The following SPANXN3 variants were observed in gnomAD, a reference collection of about 807,000 sequenced individuals.
SPANXN3 encodes the protein sperm protein associated with the nucleus on the X chromosome N3.
Under a neutral mutation model 1.9 loss-of-function variants are expected in SPANXN3, and 1 was observed. That is an observed-to-expected ratio of 0.54 (90% confidence interval 0.19 to 2.54). The LOEUF (loss-of-function observed/expected upper bound fraction) is 2.54, where lower values mean the gene tolerates loss of function less well. Ranked by LOEUF, SPANXN3 falls within the 30% of genes most tolerant of loss-of-function variation. The pLI, the probability that SPANXN3 is intolerant of heterozygous loss-of-function variation, is 0.24. For synonymous variants in SPANXN3, 47 were observed against 40.0 expected, an observed-to-expected ratio of 1.17 and a Z score of -0.66; for missense variants, 113 against 96.2, an observed-to-expected ratio of 1.17 and a Z score of -0.73.
Position 143,517,306 on chromosome X carries a change from A to G in SPANXN3, c.78+8T>C, listed in dbSNP as rs782449645. On this transcript the variant is annotated splice_region_variant and intron_variant, in intron 1 of 1. Transcript: ENST00000370503. Reference sequence around the variant, plus strand: ...CCTCACCTTCCCTTCAAAACCTGACAATCTTACCTCATCATTTTTTTTGTT... The same window carrying G: ...CCTCACCTTCCCTTCAAAACCTGACGATCTTACCTCATCATTTTTTTTGTT... 3.2e-5 allele frequency: 39 copies of G among 1,208,394 alleles called. No homozygotes were observed. The East Asian group carries it at 1.2e-3, about 36-fold the overall frequency.
chrX:143,510,795 C>T (rs1449796114), intron 1 of SPANXN3, among the ~76,000 whole-genome samples: 18 of 109,794 alleles, frequency 1.6e-4, no homozygotes, highest in African/African-American at 5.7e-4. Flanking sequence ...CTGGCTCCTG[C>T]CCTCTCCCAT....
chrX:143,511,868 C>A (rs2124256055), intron 1 of SPANXN3, among the ~76,000 whole-genome samples: 1 of 111,533 alleles, frequency 9.0e-6, no homozygotes, highest in South Asian at 3.9e-4. Context: ...GAGTCCACCA[C>A]CCCTACTGCC....
rs781860605 is a variant in SPANXN3, at chrX:143,508,998, G to A, written c.243C>T (p.Ile81=). The A allele has an allele frequency of 8.3e-7, 1 of 1,211,930 alleles. No homozygotes were observed. The highest frequency in any genetic ancestry group is 1.8e-5 in the South Asian group (1 of 56,991). The change falls in exon 2 of 2, where the codon ATC becomes ATT. Residue 81 remains isoleucine, a synonymous_variant. Transcript: ENST00000370503. The stretch of plus-strand genomic sequence containing the variant: ...CTACGCCTTCGTCCTCCTCCTTTTG[G>A]ATTGGATTGATGGAGTTCTCTTGGG... ...EQSQENSINP[I]QKEEDEGVDL...
intron 1 of SPANXN3, among the ~76,000 whole-genome samples, chrX:143,512,766 G>A (rs1303059176): frequency 9.0e-6 from 1 of 111,506 alleles, no homozygotes; most frequent in Non-Finnish European, 1.9e-5. Flanking sequence ...TTCCAGGATA[G>A]CCCCCACCTA....
intron 1 of SPANXN3, chrX:143,509,827 G>T: frequency 8.1e-6 from 1 of 122,722 alleles, no homozygotes. Context: ...CTGTGTTGTT[G>T]TTTGAGATGC....
At position 143,508,976 on chromosome X, in the gene SPANXN3, C is replaced by G; in HGVS notation, c.265G>C (p.Val89Leu). The change falls in exon 2 of 2, where the codon GTA becomes CTA. Residue 89 changes from valine to leucine, a missense_variant. Coordinates refer to ENST00000370503, the MANE Select transcript of SPANXN3 (RefSeq NM_001009609.4). ...TTTGAAGATCCTTCAGATAAGTCTA[C>G]GCCTTCGTCCTCCTCCTTTTGGATT... ...NPIQKEEDEG[V>L]DLSEGSSNED... is the part of the protein sequence containing the mutation. 7.4e-6 allele frequency: 9 copies of G among 1,211,894 alleles called. No individual in the cohort carries two copies. The highest frequency in any genetic ancestry group is 1.0e-5 in the Non-Finnish European group (9 of 895,563).
chrX:143,514,628 C>T (rs1242913450), intron 1 of SPANXN3, among the ~76,000 whole-genome samples: 2 of 111,037 alleles, frequency 1.8e-5, no homozygotes, highest in African/African-American at 6.6e-5. Flanking sequence ...TGGATAAAAG[C>T]TTTTCCCACC....
intron 1 of SPANXN3, among the ~76,000 whole-genome samples, chrX:143,515,870 A>C (rs1556412406): frequency 9.0e-6 from 1 of 111,496 alleles, no homozygotes; most frequent in African/African-American, 3.3e-5. Flanking sequence ...AAATCCACCC[A>C]CACCATCACA....
chrX:143,512,667 C>T (rs782097970), intron 1 of SPANXN3, among the ~76,000 whole-genome samples: 26 of 111,507 alleles, frequency 2.3e-4, no homozygotes, highest in Non-Finnish European at 3.6e-4. Flanking sequence ...CCCTTAAATC[C>T]GGCTTACAGA....
At position 143,517,213 on chromosome X, in the gene SPANXN3, C is replaced by G. The variant is rs1382025437; in HGVS notation, c.78+101G>C. 9.1e-6 allele frequency: 9 copies of G among 985,470 alleles called. No homozygotes were observed. The African/African-American group carries it at 1.7e-4, about 19-fold the overall frequency. 81.2% of individuals were successfully genotyped at this position (985,470 alleles called of 1,213,427 possible). ...CTGGCATTAAGCGGGTCCCCCACTT[C>G]CACAGGTGTCTGCAGTATTCCTGTG... is the stretch of plus-strand genomic sequence containing the variant. On this transcript the variant is annotated intron_variant, in intron 1 of 1. Transcript: ENST00000370503.
chrX:143,513,119 G>A (rs782131897), intron 1 of SPANXN3, among the ~76,000 whole-genome samples: 106 of 111,610 alleles, frequency 9.5e-4, no homozygotes, highest in African/African-American at 3.4e-3. Flanking sequence ...GGCCTTGTGG[G>A]TTACTTCTGG....
intron 1 of SPANXN3, among the ~76,000 whole-genome samples, chrX:143,516,984 A>G (rs1473083572): frequency 2.1e-4 from 23 of 112,153 alleles, no homozygotes; most frequent in African/African-American, 6.5e-5. Flanking sequence ...CAAGACGGAC[A>G]AAGGTCCAAC....
At chrX:143,515,253 T>G (rs1354018307) in intron 1 of SPANXN3, among the ~76,000 whole-genome samples, 7 of 110,712 alleles carry the variant, frequency 6.3e-5, no homozygotes, top group Non-Finnish European at 1.1e-4. Context: ...CCACACTGAA[T>G]ACACCATTCC....
At position 143,516,886 on chromosome X, in the gene SPANXN3, C is replaced by T. The variant is rs782702750; in HGVS notation, c.78+428G>A. The T allele has an allele frequency of 4.4e-3, 572 of 129,272 alleles. 6 individuals are homozygous for T. The highest frequency in any genetic ancestry group is 0.018 in the African/African-American group (553 of 31,010). 10.7% of individuals were successfully genotyped at this position (129,272 alleles called of 1,213,427 possible). A position where few individuals can be genotyped will look rare whatever the true frequency, so the allele number is the denominator to read the frequency against. ...TGAGTCCAAACCACCATTTAGTAAG[C>T]ACCCTGCTATTTTTCAGACCTTGGT... On this transcript the variant is annotated intron_variant, in intron 1 of 1. Transcript: ENST00000370503.
chrX:143,508,773 T>C lies in SPANXN3; in HGVS notation c.*42A>G. 9.6e-7 allele frequency: 1 copy of C among 1,037,752 alleles called. No homozygotes were observed. The highest frequency in any genetic ancestry group is 1.3e-6 in the Non-Finnish European group (1 of 747,605). The allele number at this position is 1,037,752 out of a possible 1,213,427, so 85.5% of individuals were successfully genotyped here. On this transcript the variant is annotated 3_prime_UTR_variant, in exon 2 of 2. Coordinates refer to ENST00000370503, the MANE Select transcript of SPANXN3 (RefSeq NM_001009609.4). The stretch of plus-strand genomic sequence containing the variant: ...CTTGATTTTATTGTAATCATCGCCA[T>C]CAGTGGTGATGATTTGTCCAATTTG...
chrX:143,509,693 C>G, intron 1 of SPANXN3: 1 of 118,878 alleles, frequency 8.4e-6, no homozygotes, highest in African/African-American at 3.3e-5. Flanking sequence ...TCAATATCCT[C>G]CTGGGCAGCA....
chrX:143,512,722 C>T (rs1194123527), intron 1 of SPANXN3, among the ~76,000 whole-genome samples: 2 of 111,745 alleles, frequency 1.8e-5, no homozygotes, highest in African/African-American at 6.5e-5. Context: ...CTCACATGTG[C>T]ACCCAACTAG....
chrX:143,516,114 C>G (rs191177030), intron 1 of SPANXN3, among the ~76,000 whole-genome samples: 3,980 of 111,103 alleles, frequency 0.036, 171 homozygotes, highest in African/African-American at 0.12. Flanking sequence ...CCCATTTCCC[C>G]CTCTCTTTCC....
intron 1 of SPANXN3, chrX:143,516,953 T>A (rs782295973): frequency 6.1e-6 from 1 of 164,316 alleles, no homozygotes; most frequent in South Asian, 1.6e-4. Context: ...ATGAGAAAAA[T>A]CTTGCCTAAT....
Sources: gnomAD v4.1 joint callset for allele counts (sites outside exome capture counted in the v4.1 genomes callset) on GRCh38, gnomAD v4.1.1 for gene constraint, MANE v1.5 for transcripts, NCBI Gene and HGNC (gene_info 2026-07-23, HGNC 2026-07-21) for gene names.